CFAP410: variants seen among roughly 807,000 people sequenced by gnomAD.
CFAP410 encodes cilia- and flagella-associated protein 410.
CFAP410 carries 27 observed loss-of-function variants against 25.7 expected under a neutral mutation model. The observed-to-expected ratio is 1.05, with a 90% CI of 0.77 to 1.45. CFAP410 has a LOEUF of 1.45. Ranked by LOEUF, CFAP410 falls within the 40% of genes most tolerant of loss-of-function variation. The pLI, the probability that CFAP410 is intolerant of heterozygous loss-of-function variation, is 0.00. For synonymous variants in CFAP410, 178 were observed against 158.4 expected (o/e 1.12, Z -0.93); for missense variants, 428 against 354.1 (o/e 1.21, Z -1.67).
intron 2 of CFAP410, among the ~76,000 whole-genome samples, chr21:44,336,218 C>T (rs541905436): frequency 5.9e-5 from 9 of 152,290 alleles, no homozygotes; most frequent in Admixed American, 1.3e-4. Flanking sequence ...CCAGACGCCC[C>T]GCAGACTGAA....
rs1008790691 is a variant in CFAP410, at chr21:44,337,780, T to C, written c.78-113A>G. ...CCCTACAAACCTTAAGATTCTAGGATTTTAATGGCATGGCAAAAAAGGAAG... is the reference window on the plus strand; with the variant it reads ...CCCTACAAACCTTAAGATTCTAGGACTTTAATGGCATGGCAAAAAAGGAAG... On this transcript the variant is annotated intron_variant, in intron 1 of 6. Transcript: ENST00000339818. 4 of 835,694 alleles carry C rather than the reference T, an allele frequency of 4.8e-6. No individual in the cohort carries two copies. In the East Asian group the frequency reaches 1.0e-4, roughly 21 times the overall value. The allele number at this position is 835,694 out of a possible 1,614,324, so 51.8% of individuals were successfully genotyped here.
chr21:44,332,716 A>C, intron 4 of CFAP410: 1 of 388,794 alleles, frequency 2.6e-6, no homozygotes, highest in African/African-American at 2.0e-5. Flanking sequence ...GCGCATGGCG[A>C]TGGTCAGAGC....
At chr21:44,338,924 C>A (rs1407726184) in intron 1 of CFAP410, 194 bp downstream of exon 1, 1 of 116,714 alleles carries the variant, frequency 8.6e-6, no homozygotes, top group Non-Finnish European at 1.6e-5. Flanking sequence ...CCCGCCCCGG[C>A]TCCGCCCTCT....
intron 6 of CFAP410, 73 bp from the exon 7 acceptor site, chr21:44,330,399 T>TGGCCAGCGGTGCCCC (rs1166847612): frequency 6.4e-7 from 1 of 1,570,746 alleles, no homozygotes; most frequent in Non-Finnish European, 8.7e-7. Flanking sequence ...GGCTGGGGCC[T>TGGCCAGCGGTGCCCC]GGCCAGCGGT....
chr21:44,337,549 G>A, intron 2 of CFAP410, 100 bp downstream of exon 2: 1 of 1,093,402 alleles, frequency 9.1e-7, no homozygotes. Flanking sequence ...GTGCAGTTTT[G>A]TCAACTTAAA....
Position 44,330,107 on chromosome 21 carries a change from C to T in CFAP410, c.*91G>A. 7.1e-7 allele frequency: 1 copy of T among 1,412,858 alleles called. No homozygotes were observed. Among genetic ancestry groups the T allele is most frequent in the Non-Finnish European group, 9.5e-7 (1 of 1,048,226 alleles). The allele number at this position is 1,412,858 out of a possible 1,614,324, so 87.5% of individuals were successfully genotyped here. A position where few individuals can be genotyped will look rare whatever the true frequency, so the allele number is the denominator to read the frequency against. On this transcript the variant is annotated 3_prime_UTR_variant, in exon 7 of 7. Transcript: ENST00000339818. ...GGGAGGCTTTTGTGTGGGGCCGGGGCTGCGGCCATGGCAGCCACCCTCCAG... is the reference window on the plus strand; with the variant it reads ...GGGAGGCTTTTGTGTGGGGCCGGGGTTGCGGCCATGGCAGCCACCCTCCAG...
intron 4 of CFAP410, chr21:44,332,596 G>A (rs1158510018): frequency 5.6e-6 from 1 of 177,180 alleles, no homozygotes; most frequent in African/African-American, 2.4e-5. Flanking sequence ...CCCACGGCAG[G>A]GGCGCGATGG....
At position 44,335,819 on chromosome 21, in the gene CFAP410, A is replaced by G. The variant is rs1846509578; in HGVS notation, c.97-15T>C. ...CAAATGGAGATCTAGGAGGAAAAGA[A>G]CATGACTAGCAAGCATGGCACAGCA... On this transcript the variant is annotated splice_polypyrimidine_tract_variant and intron_variant, in intron 2 of 6. Coordinates refer to ENST00000339818, the MANE Select transcript of CFAP410 (RefSeq NM_004928.3). 6.3e-7 allele frequency: 1 copy of G among 1,580,988 alleles called. No homozygotes were observed. Among genetic ancestry groups the G allele is most frequent in the Non-Finnish European group, 8.6e-7 (1 of 1,161,104 alleles).
intron 2 of CFAP410, among the ~76,000 whole-genome samples, chr21:44,337,424 G>A (rs773425703): frequency 2.0e-5 from 3 of 152,208 alleles, no homozygotes; most frequent in Non-Finnish European, 2.9e-5. Context: ...TTATAGGGAT[G>A]TTGACGGGAA....
At chr21:44,337,083 TA>T (rs35988245) in intron 2 of CFAP410, among the ~76,000 whole-genome samples, 1,414 of 121,708 alleles carry the variant, frequency 0.012, 13 homozygotes, top group African/African-American at 0.027. Context: ...AGACTCCGTG[TA>T]AAAAAAAAAA....
rs771486173 is a variant in CFAP410 at position 44,330,255 on chromosome 21, A to C, written c.714T>G (p.Thr238=). The C allele has an allele frequency of 1.2e-6, 2 of 1,601,066 alleles. No homozygotes were observed. Among genetic ancestry groups the C allele is most frequent in the Admixed American group, 1.7e-5 (1 of 58,712 alleles). Residue 238 remains threonine (T), a synonymous_variant, in exon 7 of 7, where the codon ACT becomes ACG. Coordinates refer to ENST00000339818, the MANE Select transcript of CFAP410 (RefSeq NM_004928.3). The part of the protein sequence containing the change: ...DAEGLEAVQQ[T]VGSRLQALRG... ...GCAGGGCCTGCAGCCGGCTGCCCAC[A>C]GTCTGCTGCACGGCCTCCAGCCCCT...
chr21:44,338,247 C>T (rs1180612060), intron 1 of CFAP410: 5 of 1,261,594 alleles, frequency 4.0e-6, no homozygotes, highest in Non-Finnish European at 5.1e-6. Flanking sequence ...GGGCAGTCTG[C>T]GGACACCCCT....
chr21:44,338,452 C>G, intron 1 of CFAP410: 1 of 503,962 alleles, frequency 2.0e-6, no homozygotes, highest in Non-Finnish European at 3.5e-6. Context: ...TTCAGCCTGC[C>G]TGGGTCCCAC....
Position 44,330,274 on chromosome 21 carries a change from A to C in CFAP410, c.695T>G (p.Leu232Arg). 1 of 1,607,676 alleles carries C rather than the reference A, an allele frequency of 6.2e-7. No homozygotes were observed. The highest frequency in any genetic ancestry group is 1.1e-5 in the South Asian group (1 of 90,202). Residue 232 changes from leucine to arginine, a missense_variant, in exon 7 of 7, where the codon CTG becomes CGG. Transcript: ENST00000339818. The stretch of plus-strand genomic sequence containing the variant: ...GCCCACAGTCTGCTGCACGGCCTCC[A>C]GCCCCTCTGCATCCAGCTCCCGCAG... ...LLLRELDAEG[L>R]EAVQQTVGSR... is the part of the protein sequence containing the mutation.
In CFAP410 at chr21:44,330,875, C is replaced by A; in HGVS notation, c.590G>T (p.Gly197Val). The A allele has an allele frequency of 1.9e-6, 3 of 1,604,142 alleles. No homozygotes were observed. The highest frequency in any genetic ancestry group is 2.6e-6 in the Non-Finnish European group (3 of 1,173,998). Residue 197 changes from glycine (G) to valine (V), a missense_variant, in exon 6 of 7, where the codon GGC (glycine) becomes GTC (valine). Physicochemically the swap from Gly to Val is moderately radical, Grantham distance 109. Transcript: ENST00000339818. The stretch of plus-strand genomic sequence containing the variant: ...CCTGGCTGAGAGGGAAGGAAACTGG[C>A]CCCGGGAAGGCGGCTTCAGGCCACG... ...DERGLKPPSR[G>V]QFPSLSARDA...
intron 3 of CFAP410, chr21:44,333,519 C>G (rs1419167491): frequency 1.7e-6 from 1 of 576,166 alleles, no homozygotes; most frequent in Non-Finnish European, 3.1e-6. Flanking sequence ...CGCTCCACAT[C>G]AGCTCCTCAG....
Position 44,330,192 on chromosome 21 carries a change from C to T in CFAP410, c.*6G>A, listed in dbSNP as rs978666131. On this transcript the variant is annotated 3_prime_UTR_variant, in exon 7 of 7. Transcript: ENST00000339818. Reference sequence around the variant, plus strand: ...TGGAGGCTGGAGCGGCGTTCAGGTCCTGCGGTCACTCGGCGTGCTCCTGCA... The same window carrying T: ...TGGAGGCTGGAGCGGCGTTCAGGTCTTGCGGTCACTCGGCGTGCTCCTGCA... The T allele has an allele frequency of 1.1e-5, 17 of 1,558,610 alleles. No individual in the cohort carries two copies. The highest frequency in any genetic ancestry group is 1.9e-5 in the Admixed American group (1 of 53,462).
Position 44,330,890 on chromosome 21 carries a change from T to A in CFAP410, c.575A>T (p.Lys192Met). The change falls in exon 6 of 7, where the codon AAG (lysine) becomes ATG (methionine). Residue 192 changes from lysine (K) to methionine (M), a missense_variant. Coordinates refer to ENST00000339818, the MANE Select transcript of CFAP410 (RefSeq NM_004928.3). ...TSGAQDERGL[K>M]PPSRGQFPSL... ...AGGAAACTGGCCCCGGGAAGGCGGC[T>A]TCAGGCCACGTTCATCCTGGGCGCC... The A allele has an allele frequency of 6.2e-7, 1 of 1,602,724 alleles. No homozygotes were observed.
At chr21:44,333,294 C>T (rs769014966) in intron 3 of CFAP410, 32 bp from the exon 4 acceptor site, 36 of 1,563,634 alleles carry the variant, frequency 2.3e-5, no homozygotes, top group Middle Eastern at 1.7e-4. Context: ...CAGCGAGGGA[C>T]GTGGCCAGGG....
Sources: allele counts gnomAD v4.1 joint callset (sites outside exome capture counted in the v4.1 genomes callset), GRCh38; gene constraint gnomAD v4.1.1; transcripts MANE v1.5; gene names NCBI Gene and HGNC (gene_info 2026-07-23, HGNC 2026-07-21).